The following ADGRL3 variants were observed in gnomAD, a reference collection of about 807,000 sequenced individuals.
ADGRL3 encodes adhesion G protein-coupled receptor L3.
ADGRL3 carries 62 observed loss-of-function variants against 153.5 expected under a neutral mutation model. The ratio of observed to expected loss-of-function variants is 0.40; its 90% CI spans 0.33 to 0.50. The LOEUF is 0.50. Among genes scored for constraint, ADGRL3 ranks in the 20% least tolerant of loss-of-function variants. The pLI, the probability that ADGRL3 is intolerant of heterozygous loss-of-function variation, is 0.47. For missense variants in ADGRL3, 1,641 were observed against 1,859.4 expected (o/e 0.88, Z 2.16); for synonymous variants, 710 against 672.5 (o/e 1.06, Z -0.86).
chr4:61,488,792 C>T (rs1225102900), intron 2 of ADGRL3, among the ~76,000 whole-genome samples: 1 of 151,950 alleles, frequency 6.6e-6, no homozygotes, highest in Non-Finnish European at 1.5e-5. Flanking sequence ...TGAACTCCCA[C>T]CATACTAACT....
intron 2 of ADGRL3, among the ~76,000 whole-genome samples, chr4:61,425,037 C>T (rs2097259448): frequency 6.6e-6 from 1 of 152,088 alleles, no homozygotes; most frequent in Non-Finnish European, 1.5e-5. Context: ...CCATAAACTC[C>T]CAGGGGGCAC....
intron 8 of ADGRL3, among the ~76,000 whole-genome samples, chr4:61,763,509 G>A (rs965188525): frequency 2.0e-5 from 3 of 152,040 alleles, no homozygotes; most frequent in African/African-American, 7.2e-5. Context: ...CCTGTCATAT[G>A]TCAGTATTCT....
intron 2 of ADGRL3, among the ~76,000 whole-genome samples, chr4:61,456,979 A>C (rs1296910646): frequency 6.6e-6 from 1 of 152,010 alleles, no homozygotes; most frequent in Non-Finnish European, 1.5e-5. Flanking sequence ...GTCTTTTAAA[A>C]AATGTATACT....
chr4:61,455,856 C>T (rs1171656293), intron 2 of ADGRL3, among the ~76,000 whole-genome samples: 2 of 152,000 alleles, frequency 1.3e-5, no homozygotes, highest in Admixed American at 6.6e-5. Flanking sequence ...CACTCTATCT[C>T]CCAGGTTGGC....
chr4:61,617,272 A>T (rs1171562279), intron 5 of ADGRL3, among the ~76,000 whole-genome samples: 1 of 152,174 alleles, frequency 6.6e-6, no homozygotes, highest in Non-Finnish European at 1.5e-5. Context: ...TAAGATTTTT[A>T]TTAATTCCAA....
intron 8 of ADGRL3, among the ~76,000 whole-genome samples, chr4:61,746,715 A>T (rs1003918357): frequency 1.3e-5 from 2 of 152,192 alleles, no homozygotes; most frequent in African/African-American, 4.8e-5. Context: ...GCAGTGTGTA[A>T]AGGGAAATTT....
At chr4:61,351,114 C>T (rs1031411812) in intron 1 of ADGRL3, among the ~76,000 whole-genome samples, 3 of 152,106 alleles carry the variant, frequency 2.0e-5, no homozygotes, top group Non-Finnish European at 2.9e-5. Flanking sequence ...GATAAGAAAG[C>T]AAAACAGCCT....
intron 8 of ADGRL3, among the ~76,000 whole-genome samples, chr4:61,804,963 A>ATTTTTTT (rs370949071): frequency 1.5e-4 from 21 of 144,056 alleles, no homozygotes; most frequent in Admixed American, 2.8e-4. Flanking sequence ...TTATTTATTT[A>ATTTTTTT]TTTTTTTTTT....
At chr4:61,704,763 T>C (rs898636894) in intron 6 of ADGRL3, among the ~76,000 whole-genome samples, 36 of 152,332 alleles carry the variant, frequency 2.4e-4, no homozygotes, top group Non-Finnish European at 5.1e-4. Flanking sequence ...ACTAAATTTA[T>C]GTAATATTCT....
chr4:61,283,486 G>A (rs1341678762), intron 1 of ADGRL3, among the ~76,000 whole-genome samples: 1 of 151,850 alleles, frequency 6.6e-6, no homozygotes, highest in African/African-American at 2.4e-5. Flanking sequence ...ATATGCTGAT[G>A]ACATTAGTGA....
At chr4:61,840,600 C>T (rs1450952112) in intron 9 of ADGRL3, among the ~76,000 whole-genome samples, 1 of 152,114 alleles carries the variant, frequency 6.6e-6, no homozygotes, top group Non-Finnish European at 1.5e-5. Context: ...CTCTGTTTTA[C>T]TAGTTACTGT....
chr4:61,352,978 A>G (rs994053379), intron 1 of ADGRL3, among the ~76,000 whole-genome samples: 11 of 152,196 alleles, frequency 7.2e-5, no homozygotes, highest in African/African-American at 1.9e-4. Context: ...CAGTATGAAT[A>G]GAAAGGAACT....
rs376047776 is a variant in ADGRL3, at chr4:62,058,800, G to T, written c.3815-9366G>T. ...GAAGTTTACAAATCAGAAGCTGGTT[G>T]GAAGGAAGAGGAAGAGACAGGGCAG... On this transcript the variant is annotated intron_variant, in intron 25 of 26. Coordinates refer to ENST00000683033, the MANE Select transcript of ADGRL3 (RefSeq NM_001387552.1). 2.0e-4 allele frequency among the ~76,000 whole-genome samples: 31 copies of T among 152,194 alleles called. No individual in the cohort carries two copies. In the East Asian group the frequency reaches 3.9e-3, roughly 19 times the overall value.
intron 9 of ADGRL3, among the ~76,000 whole-genome samples, chr4:61,871,012 C>T (rs1349241489): frequency 2.6e-5 from 4 of 152,194 alleles, no homozygotes; most frequent in East Asian, 1.9e-4. Flanking sequence ...GGCACGGTGG[C>T]TCATGCCTGT....
chr4:61,709,093 G>A (rs2151434795), intron 6 of ADGRL3, among the ~76,000 whole-genome samples: 1 of 152,206 alleles, frequency 6.6e-6, no homozygotes, highest in Middle Eastern at 3.4e-3. Flanking sequence ...CAAGGTGTGA[G>A]CCACTGCACC....
At chr4:61,226,662 A>G (rs536852260) in intron 1 of ADGRL3, among the ~76,000 whole-genome samples, 1 of 152,296 alleles carries the variant, frequency 6.6e-6, no homozygotes, top group Admixed American at 6.5e-5. Context: ...GTATGGGATG[A>G]TGGAGGAAGA....
chr4:61,412,638 C>A (rs2097101321), intron 2 of ADGRL3, among the ~76,000 whole-genome samples: 2 of 152,156 alleles, frequency 1.3e-5, no homozygotes, highest in African/African-American at 4.8e-5. Context: ...TCTGTGTCCA[C>A]ATTGGACAGT....
At chr4:61,328,745 G>A (rs1424179873) in intron 1 of ADGRL3, among the ~76,000 whole-genome samples, 1 of 151,950 alleles carries the variant, frequency 6.6e-6, no homozygotes. Context: ...AATATATTAG[G>A]GATGTTAGAT....
intron 1 of ADGRL3, among the ~76,000 whole-genome samples, chr4:61,355,378 T>C (rs947741069): frequency 6.6e-6 from 1 of 152,100 alleles, no homozygotes; most frequent in Non-Finnish European, 1.5e-5. Context: ...TGTGTATCTA[T>C]AGTTCATCTT....
Sources: gnomAD v4.1 joint callset for allele counts (sites outside exome capture counted in the v4.1 genomes callset) on GRCh38, gnomAD v4.1.1 for gene constraint, MANE v1.5 for transcripts, NCBI Gene and HGNC (gene_info 2026-07-23, HGNC 2026-07-21) for gene names.